KCNN3: variants seen among roughly 807,000 people sequenced by gnomAD.
The protein encoded by KCNN3 is small conductance calcium-activated potassium channel protein 3.
KCNN3 carries 16 observed loss-of-function variants against 62.9 expected under a neutral mutation model. The observed-to-expected ratio is 0.25, with a 90% CI of 0.17 to 0.39. The LOEUF (loss-of-function observed/expected upper bound fraction) is 0.39, where lower values mean the gene tolerates loss of function less well. Among genes scored for constraint, KCNN3 ranks in the 10% least tolerant of loss-of-function variants. The pLI, the probability that KCNN3 is intolerant of heterozygous loss-of-function variation, is 1.00. For synonymous variants in KCNN3, 370 were observed against 389.2 expected (o/e 0.95, Z 0.58); for missense variants, 599 against 949.4 (o/e 0.63, Z 4.85).
At chr1:154,716,369 G>T (rs1262746732) in intron 5 of KCNN3, among the ~76,000 whole-genome samples, 4 of 152,234 alleles carry the variant, frequency 2.6e-5, no homozygotes, top group African/African-American at 9.6e-5. Flanking sequence ...AAATAAGTAG[G>T]CCAGCCTAAT....
intron 2 of KCNN3, among the ~76,000 whole-genome samples, chr1:154,787,357 G>T (rs997647157): frequency 6.6e-6 from 1 of 152,144 alleles, no homozygotes; most frequent in East Asian, 1.9e-4. Flanking sequence ...CCAGGGCCAG[G>T]GCATGCGGCA....
At position 154,718,030 on chromosome 1, in the gene KCNN3, C is replaced by CA. The variant is rs534780732; in HGVS notation, c.1702-3028dup. On this transcript the variant is annotated intron_variant, in intron 5 of 7. Coordinates refer to ENST00000271915, the MANE Select transcript of KCNN3 (RefSeq NM_002249.6). Reference sequence around the variant, plus strand: ...CCTTCCTTGAGGGAGGCTTGGGTACCACCTGACCTCTCCTGGTGGGCAGAG... The same window carrying CA: ...CCTTCCTTGAGGGAGGCTTGGGTACCAACCTGACCTCTCCTGGTGGGCAGAG... Among the ~76,000 whole-genome samples the CA allele has an allele frequency of 3.6e-3, 555 of 152,184 alleles. 4 individuals carry two copies. The highest frequency in any genetic ancestry group is 0.013 in the African/African-American group (541 of 41,498).
At position 154,708,229 on chromosome 1, in the gene KCNN3, C is replaced by T. The variant is rs1423319449; in HGVS notation, c.1943G>A (p.Arg648Gln). ...MYDLITELND[R>Q]SEDLEKQIGS... ...AATCTGCTTCTCCAGGTCTTCGCTC[C>T]GGTCATTGAGTTCTGTGATTAAGTC... The change falls in exon 8 of 8, where the codon CGG (arginine) becomes CAG (glutamine). Residue 648 changes from arginine (R) to glutamine (Q), a missense_variant. Around this residue, in one of 7 missense-constraint regions of KCNN3, gnomAD observed 288 missense variants for 557.4 expected, o/e 0.52. Coordinates refer to ENST00000271915, the MANE Select transcript of KCNN3 (RefSeq NM_002249.6). 6 of 1,613,682 alleles carry T rather than the reference C, an allele frequency of 3.7e-6. No individual in the cohort carries two copies. The highest frequency in any genetic ancestry group is 1.1e-5 in the South Asian group (1 of 91,070).
chr1:154,798,685 C>T (rs1571287152), intron 2 of KCNN3, among the ~76,000 whole-genome samples: 1 of 152,138 alleles, frequency 6.6e-6, no homozygotes, highest in Non-Finnish European at 1.5e-5. Flanking sequence ...CTGGTTTTGT[C>T]CCCACAAAAA....
At chr1:154,848,692 G>C (rs1253488347) in intron 1 of KCNN3, among the ~76,000 whole-genome samples, 1 of 152,116 alleles carries the variant, frequency 6.6e-6, no homozygotes, top group Non-Finnish European at 1.5e-5. Context: ...TGCCCCTACT[G>C]TTGCCTCGGC....
intron 2 of KCNN3, among the ~76,000 whole-genome samples, chr1:154,803,908 A>T (rs898584494): frequency 9.2e-5 from 14 of 152,124 alleles, no homozygotes; most frequent in African/African-American, 3.4e-4. Flanking sequence ...ACCCATGGCC[A>T]CCTTACCACA....
intron 1 of KCNN3, among the ~76,000 whole-genome samples, chr1:154,831,756 C>G (rs1432744086): frequency 6.6e-6 from 1 of 152,036 alleles, no homozygotes; most frequent in Non-Finnish European, 1.5e-5. Flanking sequence ...TTGGATGGCT[C>G]TTTTTCAAAG....
intron 3 of KCNN3, among the ~76,000 whole-genome samples, chr1:154,760,719 G>T (rs981198355): frequency 1.3e-5 from 2 of 152,226 alleles, no homozygotes; most frequent in African/African-American, 4.8e-5. Flanking sequence ...CCGCGGGGAC[G>T]CCCGGGAGGC....
chr1:154,837,495 C>CG (rs1302013023), intron 1 of KCNN3, among the ~76,000 whole-genome samples: 2 of 152,120 alleles, frequency 1.3e-5, no homozygotes, highest in Non-Finnish European at 2.9e-5. Flanking sequence ...CCAACCCAGC[C>CG]AACTCCTCCT....
chr1:154,714,250 G>C (rs918493503), intron 6 of KCNN3, among the ~76,000 whole-genome samples: 1 of 84,190 alleles, frequency 1.2e-5, no homozygotes, highest in African/African-American at 3.8e-5. Context: ...GGTGTGTATG[G>C]TGTGTGTGAT....
intron 1 of KCNN3, among the ~76,000 whole-genome samples, chr1:154,836,578 G>A (rs887127667): frequency 6.6e-6 from 1 of 152,222 alleles, no homozygotes; most frequent in African/African-American, 2.4e-5. Context: ...GAACTGGGGT[G>A]CTGTCTGGAG....
At chr1:154,771,913 ACTC>A in intron 3 of KCNN3, 59 bp downstream of exon 3, 1 of 1,542,662 alleles carries the variant, frequency 6.5e-7, no homozygotes, top group Non-Finnish European at 8.9e-7. Context: ...TGGCACCCCT[ACTC>A]CTCCTCCCTT....
At chr1:154,841,012 G>C (rs549605170) in intron 1 of KCNN3, among the ~76,000 whole-genome samples, 1 of 149,264 alleles carries the variant, frequency 6.7e-6, no homozygotes. Context: ...ACCAGGGGCA[G>C]GCCTGCCCCT....
intron 2 of KCNN3, among the ~76,000 whole-genome samples, chr1:154,776,370 G>A (rs981428693): frequency 6.6e-6 from 1 of 152,106 alleles, no homozygotes; most frequent in Non-Finnish European, 1.5e-5. Context: ...AAATGTGAGG[G>A]ATTATTAAGC....
chr1:154,722,663 A>G (rs1415800701), intron 5 of KCNN3, among the ~76,000 whole-genome samples: 1 of 151,778 alleles, frequency 6.6e-6, no homozygotes, highest in Admixed American at 6.6e-5. Flanking sequence ...GAGTGCTGGC[A>G]TTACAGGCAT....
chr1:154,821,114 C>T (rs1366862008), intron 2 of KCNN3, among the ~76,000 whole-genome samples: 3 of 152,166 alleles, frequency 2.0e-5, no homozygotes, highest in East Asian at 1.9e-4. Flanking sequence ...ATGAGAAGAT[C>T]GAGACCCAGG....
At chr1:154,708,897 C>T (rs1319021723) in intron 7 of KCNN3, among the ~76,000 whole-genome samples, 1 of 152,160 alleles carries the variant, frequency 6.6e-6, no homozygotes, top group Non-Finnish European at 1.5e-5. Context: ...AAGGAGGCTG[C>T]CTTGCTGAGG....
At chr1:154,714,603 G>C (rs1251907396) in intron 6 of KCNN3, among the ~76,000 whole-genome samples, 3 of 29,482 alleles carry the variant, frequency 1.0e-4, no homozygotes, top group African/African-American at 2.9e-4. Flanking sequence ...TGTGTGATGT[G>C]TGGTGTGTGG....
intron 3 of KCNN3, 25 bp downstream of exon 3, chr1:154,771,950 A>G: frequency 6.2e-7 from 1 of 1,610,544 alleles, no homozygotes; most frequent in Non-Finnish European, 8.5e-7. Flanking sequence ...CAGGCTCTGT[A>G]CTCAGAAAGC....
Sources: allele counts gnomAD v4.1 joint callset (sites outside exome capture counted in the v4.1 genomes callset), GRCh38; gene constraint gnomAD v4.1.1; regional missense constraint gnomAD v4.1.1; transcripts MANE v1.5; gene names NCBI Gene and HGNC (gene_info 2026-07-23, HGNC 2026-07-21).